The following MACROD1 variants were observed in gnomAD, a reference collection of about 807,000 sequenced individuals.
The protein encoded by MACROD1 is mono-ADP ribosylhydrolase 1, also known as ADP-ribose glycohydrolase MACROD1.
Under a neutral mutation model 41.4 loss-of-function variants are expected in MACROD1, and 31 were observed. The ratio of observed to expected loss-of-function variants is 0.75; its 90% confidence interval spans 0.56 to 1.01. The LOEUF is 1.01. MACROD1 is among the 50% of genes least tolerant of loss of function. The pLI is 0.00. For missense variants in MACROD1, 473 were observed against 460.0 expected, an observed-to-expected ratio of 1.03 and a Z score of -0.26; for synonymous variants, 252 against 203.4, an observed-to-expected ratio of 1.24 and a Z score of -2.03.
chr11:64,041,223 A>AAAAAAAAAAAAAAAAT (rs1943479930), intron 3 of MACROD1, among the ~76,000 whole-genome samples: 1 of 149,568 alleles, frequency 6.7e-6, no homozygotes, highest in African/African-American at 2.5e-5. Context: ...AAAAAAAAAA[A>AAAAAAAAAAAAAAAAT]AAAAAAGCAT....
chr11:64,088,169 G>A (rs1944427474), intron 3 of MACROD1, among the ~76,000 whole-genome samples: 1 of 152,302 alleles, frequency 6.6e-6, no homozygotes, highest in South Asian at 2.1e-4. Context: ...GAACCCCGCA[G>A]GGACCCAAAG....
intron 3 of MACROD1, among the ~76,000 whole-genome samples, chr11:64,056,843 C>T (rs572760939): frequency 1.3e-5 from 2 of 151,990 alleles, no homozygotes; most frequent in Non-Finnish European, 2.9e-5. Context: ...ATGACCTCCA[C>T]TCTGCCTTCT....
rs186370605 is a variant in MACROD1 at position 64,154,271 on chromosome 11, C to T, written c.299-1878G>A. On this transcript the variant is annotated intron_variant, in intron 1 of 10. Coordinates refer to ENST00000255681, the MANE Select transcript of MACROD1 (RefSeq NM_014067.4). ...AAAACAGAACGTTTGACTCTTTCCC[C>T]CAAAACGTCATTTTTTTGTTGCTCC... Among the ~76,000 whole-genome samples the T allele has an allele frequency of 2.4e-3, 372 of 152,326 alleles. 2 individuals are homozygous for T. The highest frequency in any genetic ancestry group is 0.011 in the South Asian group (55 of 4,830).
chr11:64,089,636 G>C (rs1292723086), intron 3 of MACROD1, among the ~76,000 whole-genome samples: 2 of 152,244 alleles, frequency 1.3e-5, no homozygotes, highest in Non-Finnish European at 2.9e-5. Flanking sequence ...CCCAGTCCCA[G>C]CCTGGCCCCA....
Position 64,122,753 on chromosome 11 carries a change from C to G in MACROD1, c.517+28486G>C, listed in dbSNP as rs1945119001. ...TGGGGGCCCTTCCCCGCTGCTGGTGCTGAAAGGTTCTAGCTGGCCCAAGTC... is the reference window on the plus strand; with the variant it reads ...TGGGGGCCCTTCCCCGCTGCTGGTGGTGAAAGGTTCTAGCTGGCCCAAGTC... On this transcript the variant is annotated intron_variant, in intron 3 of 10. Transcript: ENST00000255681. This position sits in a 1 kb window ranked among gnomAD's most constrained non-coding sequence, Gnocchi z 4.0. 6.6e-6 allele frequency among the ~76,000 whole-genome samples: 1 copy of G among 152,196 alleles called. No homozygotes were observed. Among genetic ancestry groups the G allele is most frequent in the African/African-American group, 2.4e-5 (1 of 41,440 alleles).
chr11:64,002,677 G>A (rs893253187), intron 4 of MACROD1, among the ~76,000 whole-genome samples: 6 of 152,106 alleles, frequency 3.9e-5, no homozygotes, highest in Non-Finnish European at 7.4e-5. Flanking sequence ...CCCCCACCCT[G>A]CTCTCCTTAG....
At chr11:64,063,842 C>A (rs1431777810) in intron 3 of MACROD1, among the ~76,000 whole-genome samples, 1 of 152,210 alleles carries the variant, frequency 6.6e-6, no homozygotes, top group Admixed American at 6.5e-5. Flanking sequence ...ATGCAATTAG[C>A]ACAGACAATG....
chr11:64,137,303 C>T (rs1945346642), intron 3 of MACROD1, among the ~76,000 whole-genome samples: 1 of 152,006 alleles, frequency 6.6e-6, no homozygotes, highest in African/African-American at 2.4e-5. Flanking sequence ...AGCTGGGGCA[C>T]AGCCATGTGA....
At chr11:64,164,212 A>G (rs942544347) in intron 1 of MACROD1, among the ~76,000 whole-genome samples, 1 of 152,214 alleles carries the variant, frequency 6.6e-6, no homozygotes, top group East Asian at 1.9e-4. Flanking sequence ...GGGGCGTTCA[A>G]TAAAAGTTTG....
At chr11:64,004,923 G>C (rs971779983) in intron 4 of MACROD1, among the ~76,000 whole-genome samples, 1 of 152,162 alleles carries the variant, frequency 6.6e-6, no homozygotes, top group African/African-American at 2.4e-5. Context: ...ACTGAGATAT[G>C]CTGGAAGGTG....
chr11:64,099,753 T>C (rs1364270630), intron 3 of MACROD1, among the ~76,000 whole-genome samples: 1 of 146,476 alleles, frequency 6.8e-6, no homozygotes, highest in Admixed American at 6.8e-5. Flanking sequence ...AATGGATGGG[T>C]TGACAGATGG....
chr11:64,018,687 C>A lies in MACROD1; in HGVS notation c.518-3406G>T, dbSNP rs867113104. On this transcript the variant is annotated intron_variant, in intron 3 of 10. Coordinates refer to ENST00000255681, the MANE Select transcript of MACROD1 (RefSeq NM_014067.4). ...TCTAAGTCCCCTCTCTACTGCACCA[C>A]CCCCCTCAGTTTGCTGGGAGGCTCT... Among the ~76,000 whole-genome samples the A allele has an allele frequency of 5.9e-5, 9 of 152,296 alleles. No homozygotes were observed. In the East Asian group the frequency reaches 1.5e-3, roughly 26 times the overall value.
chr11:64,038,950 G>GT (rs1296277263), intron 3 of MACROD1, among the ~76,000 whole-genome samples: 3 of 152,208 alleles, frequency 2.0e-5, no homozygotes, highest in Non-Finnish European at 4.4e-5. Flanking sequence ...GAGAGGATGC[G>GT]TATGAGGTTT....
chr11:64,111,199 G>C (rs1416196553), intron 3 of MACROD1, among the ~76,000 whole-genome samples: 1 of 152,192 alleles, frequency 6.6e-6, no homozygotes, highest in Non-Finnish European at 1.5e-5. Flanking sequence ...CCTTGGCTTT[G>C]GCCTTAACAA....
chr11:64,047,449 C>A (rs1172990380), intron 3 of MACROD1, among the ~76,000 whole-genome samples: 1 of 152,264 alleles, frequency 6.6e-6, no homozygotes, highest in Non-Finnish European at 1.5e-5. Flanking sequence ...CGTTTCACCC[C>A]CAGCAGCCGT....
chr11:64,159,044 G>C (rs367570098), intron 1 of MACROD1, among the ~76,000 whole-genome samples: 1 of 151,976 alleles, frequency 6.6e-6, no homozygotes, highest in East Asian at 1.9e-4. Flanking sequence ...AAATGAGGCC[G>C]GGTGCAGGGG....
At chr11:64,098,845 C>T (rs1944622518) in intron 3 of MACROD1, among the ~76,000 whole-genome samples, 1 of 152,210 alleles carries the variant, frequency 6.6e-6, no homozygotes, top group Admixed American at 6.5e-5. Context: ...AGCCATAAAG[C>T]CCACCTGGGT....
At chr11:64,020,023 C>T (rs1317202677) in intron 3 of MACROD1, among the ~76,000 whole-genome samples, 2 of 152,122 alleles carry the variant, frequency 1.3e-5, no homozygotes, top group Non-Finnish European at 2.9e-5. Context: ...GTGCTTAGGG[C>T]CCATGACACT....
intron 3 of MACROD1, among the ~76,000 whole-genome samples, chr11:64,063,668 T>G (rs943458520): frequency 6.6e-6 from 1 of 152,088 alleles, no homozygotes; most frequent in African/African-American, 2.4e-5. Flanking sequence ...GTGTGCTGGA[T>G]GGGCAGAAGC....
Sources: gnomAD v4.1 joint callset for allele counts (sites outside exome capture counted in the v4.1 genomes callset) on GRCh38, gnomAD v4.1.1 for gene constraint, Gnocchi (gnomAD v3.1) non-coding constraint, MANE v1.5 for transcripts, NCBI Gene and HGNC (gene_info 2026-07-23, HGNC 2026-07-21) for gene names.